The following GABRB3 variants were observed in gnomAD, a reference collection of about 807,000 sequenced individuals.
The protein encoded by GABRB3 is gamma-aminobutyric acid type A receptor subunit beta3.
Under a neutral mutation model 52.1 loss-of-function variants are expected in GABRB3, and 14 were observed. The observed-to-expected ratio is 0.27, with a 90% CI of 0.18 to 0.42. GABRB3 has a LOEUF of 0.42. Ranked by LOEUF, GABRB3 falls within the 10% of genes least tolerant of loss-of-function variation. The probability of loss-of-function intolerance (pLI) is 1.00; values close to 1 mark genes in which losing one functional copy is unlikely to be tolerated. For missense variants in GABRB3, 307 were observed against 609.1 expected (o/e 0.50, Z 5.22); for synonymous variants, 260 against 232.3 (o/e 1.12, Z -1.08).
chr15:26,559,989 C>T (rs761208181), intron 8 of GABRB3, among the ~76,000 whole-genome samples: 79 of 152,272 alleles, frequency 5.2e-4, no homozygotes, highest in Non-Finnish European at 9.3e-4. Flanking sequence ...TGTGCCTGCT[C>T]CAGTGCAAAG....
rs932343918 is a variant in GABRB3, at chr15:26,647,919, G to A, written c.241-26385C>T. Among the ~76,000 whole-genome samples, 8 of 152,274 alleles carry A rather than the reference G, an allele frequency of 5.3e-5. No individual in the cohort carries two copies. In the South Asian group the frequency reaches 6.2e-4, roughly 12 times the overall value. On this transcript the variant is annotated intron_variant, in intron 3 of 8. Coordinates refer to ENST00000311550, the MANE Select transcript of GABRB3 (RefSeq NM_000814.6). ...CCTTCTCAAAACGGAGACAACTAAC[G>A]GGTTACCCTGGTTAGCAAGTGGACA...
chr15:26,603,837 T>G (rs920358269), intron 4 of GABRB3, among the ~76,000 whole-genome samples: 30 of 152,220 alleles, frequency 2.0e-4, no homozygotes, highest in African/African-American at 6.3e-4. Context: ...GGGGAAAAAC[T>G]GAAAGCCTCA....
At chr15:26,584,199 G>C (rs1890895640) in intron 4 of GABRB3, among the ~76,000 whole-genome samples, 1 of 152,134 alleles carries the variant, frequency 6.6e-6, no homozygotes, top group Non-Finnish European at 1.5e-5. Context: ...AACTTACTAG[G>C]TCTTATTGAC....
chr15:26,717,460 C>T (rs758704669), intron 3 of GABRB3, among the ~76,000 whole-genome samples: 12 of 152,250 alleles, frequency 7.9e-5, no homozygotes, highest in Non-Finnish European at 1.2e-4. Context: ...TAAGACCACA[C>T]ATCCTAGCAC....
At chr15:26,630,945 G>A (rs1175719015) in intron 3 of GABRB3, among the ~76,000 whole-genome samples, 6 of 152,216 alleles carry the variant, frequency 3.9e-5, no homozygotes, top group Admixed American at 1.3e-4. Flanking sequence ...AAAAAGGGTT[G>A]TTAGGTTTCA....
intron 4 of GABRB3, among the ~76,000 whole-genome samples, chr15:26,599,444 T>G (rs1034286816): frequency 6.6e-6 from 1 of 151,852 alleles, no homozygotes; most frequent in Non-Finnish European, 1.5e-5. Context: ...AGATCCCAAA[T>G]AGCAAAAGGG....
chr15:26,673,340 T>C (rs188304696), intron 3 of GABRB3, among the ~76,000 whole-genome samples: 2 of 152,280 alleles, frequency 1.3e-5, no homozygotes, highest in East Asian at 3.9e-4. Context: ...CATAGATGAG[T>C]GAATAGCTGA....
chr15:26,719,867 T>C (rs1202774163), intron 3 of GABRB3, among the ~76,000 whole-genome samples: 1 of 152,228 alleles, frequency 6.6e-6, no homozygotes, highest in Non-Finnish European at 1.5e-5. Flanking sequence ...TGACTGGTCA[T>C]TGAAACCTGT....
At chr15:26,676,709 T>C (rs940486800) in intron 3 of GABRB3, among the ~76,000 whole-genome samples, 1 of 152,208 alleles carries the variant, frequency 6.6e-6, no homozygotes, top group East Asian at 1.9e-4. Flanking sequence ...AGGCTTAAAA[T>C]AGATCAGTCT....
intron 3 of GABRB3, among the ~76,000 whole-genome samples, chr15:26,696,332 C>T (rs868377812): frequency 3.9e-5 from 6 of 151,910 alleles, no homozygotes; most frequent in Non-Finnish European, 8.8e-5. Flanking sequence ...CCATCTAAAC[C>T]CCGCACACCT....
intron 3 of GABRB3, among the ~76,000 whole-genome samples, chr15:26,706,420 T>C (rs1549480): frequency 0.72 from 108,933 of 151,436 alleles, 41,066 homozygotes; most frequent in South Asian, 0.87. Flanking sequence ...ACTTAGGGCT[T>C]TGGAATCAAA....
At chr15:26,577,293 A>C (rs1890626839) in intron 6 of GABRB3, among the ~76,000 whole-genome samples, 1 of 152,122 alleles carries the variant, frequency 6.6e-6, no homozygotes, top group African/African-American at 2.4e-5. Context: ...CAGGCAGATC[A>C]CTTGAGGTCA....
intron 4 of GABRB3, among the ~76,000 whole-genome samples, chr15:26,604,602 A>G (rs1891710363): frequency 6.6e-6 from 1 of 152,174 alleles, no homozygotes; most frequent in Non-Finnish European, 1.5e-5. Context: ...CAGAACCCAG[A>G]AATAAATCTA....
intron 3 of GABRB3, among the ~76,000 whole-genome samples, chr15:26,640,627 A>T (rs748203702): frequency 6.6e-6 from 1 of 152,254 alleles, no homozygotes; most frequent in South Asian, 2.1e-4. Context: ...GGATATTAAA[A>T]TATAGGTTTT....
chr15:26,719,091 T>C (rs1407095897), intron 3 of GABRB3, among the ~76,000 whole-genome samples: 1 of 152,250 alleles, frequency 6.6e-6, no homozygotes, highest in Non-Finnish European at 1.5e-5. Context: ...CACTGACCTC[T>C]GGGCAGGCAC....
chr15:26,589,024 G>C (rs984208867), intron 4 of GABRB3, among the ~76,000 whole-genome samples: 2 of 152,320 alleles, frequency 1.3e-5, no homozygotes, highest in African/African-American at 2.4e-5. Context: ...TTTGGACGCT[G>C]TCTTCAACTA....
intron 3 of GABRB3, chr15:26,624,662 A>G: frequency 1.0e-6 from 1 of 985,434 alleles, no homozygotes; most frequent in Non-Finnish European, 1.2e-6. Context: ...AAAAAACAGT[A>G]TGAAAATCCA....
chr15:26,730,286 C>T (rs1271939341), intron 3 of GABRB3, among the ~76,000 whole-genome samples: 1 of 152,050 alleles, frequency 6.6e-6, no homozygotes, highest in Non-Finnish European at 1.5e-5. Flanking sequence ...GGCGTGGTAG[C>T]GGGCGCCTGT....
intron 6 of GABRB3, among the ~76,000 whole-genome samples, chr15:26,576,113 G>A (rs1890580741): frequency 6.6e-6 from 1 of 152,184 alleles, no homozygotes; most frequent in African/African-American, 2.4e-5. Context: ...GATATTTGAG[G>A]AGCTCTTTGA....
Sources: gnomAD v4.1 joint callset for allele counts (sites outside exome capture counted in the v4.1 genomes callset) on GRCh38, gnomAD v4.1.1 for gene constraint, MANE v1.5 for transcripts, NCBI Gene and HGNC (gene_info 2026-07-23, HGNC 2026-07-21) for gene names.